The following ZBED3 variants were observed in gnomAD, a reference collection of about 807,000 sequenced individuals.
The protein encoded by ZBED3 is zinc finger BED-type containing 3, also known as zinc finger BED domain-containing protein 3.
For synonymous variants in ZBED3, 175 were observed against 180.0 expected, an observed-to-expected ratio of 0.97 and a Z score of 0.22; for missense variants, 388 against 362.9, an observed-to-expected ratio of 1.07 and a Z score of -0.56.
Position 77,073,932 on chromosome 5 carries a change from C to T in ZBED3, c.*3242G>A, listed in dbSNP as rs1742928477. ...CTGGCCTGTCCTGAGGGTTGTGAGG[C>T]ACAAAATGCTAGGAGACTAGAGAAG... On this transcript the variant is annotated 3_prime_UTR_variant, in exon 3 of 3. Transcript: ENST00000255198. 6.6e-6 allele frequency: 1 copy of T among 152,142 alleles called. No individual in the cohort carries two copies. Among genetic ancestry groups the T allele is most frequent in the South Asian group, 2.1e-4 (1 of 4,826 alleles). The allele number at this position is 152,142 out of a possible 1,614,324, so 9.4% of individuals were successfully genotyped here. A position where few individuals can be genotyped will look rare whatever the true frequency, so the allele number is the denominator to read the frequency against.
At position 77,075,969 on chromosome 5, in the gene ZBED3, A is replaced by ATG. The variant is rs1554048027; in HGVS notation, c.*1204_*1205insCA. On this transcript the variant is annotated 3_prime_UTR_variant, in exon 3 of 3. Coordinates refer to ENST00000255198, the MANE Select transcript of ZBED3 (RefSeq NM_032367.4). ...CATATATATATATATATATATATGT[A>ATG]TATGTATATATGTATATATATATGT... The ATG allele has an allele frequency of 4.1e-3, 83 of 20,144 alleles. 21 individuals are homozygous for ATG. The highest frequency in any genetic ancestry group is 0.027 in the East Asian group (34 of 1,278). The allele number at this position is 20,144 out of a possible 1,614,324, so 1.2% of individuals were successfully genotyped here.
At chr5:77,081,048 A>G (rs1743118743) in intron 1 of ZBED3, among the ~76,000 whole-genome samples, 1 of 152,230 alleles carries the variant, frequency 6.6e-6, no homozygotes, top group Admixed American at 6.5e-5. Flanking sequence ...CAAACACAAT[A>G]AAAAGACAAA....
At chr5:77,083,237 TG>T (rs1743167636) in intron 1 of ZBED3, among the ~76,000 whole-genome samples, 2 of 152,330 alleles carry the variant, frequency 1.3e-5, no homozygotes, top group South Asian at 4.1e-4. Context: ...TGGAGGCTGG[TG>T]GGACAGTCCC....
rs1285848417 is a variant in ZBED3, at chr5:77,077,205, TCCCTGTCA to T, written c.666_673del (p.Asp223ArgfsTer122). 1 of 1,502,570 alleles carries T rather than the reference TCCCTGTCA, an allele frequency of 6.7e-7. No individual in the cohort carries two copies. Among genetic ancestry groups the T allele is most frequent in the Non-Finnish European group, 8.8e-7 (1 of 1,131,928 alleles). The allele number at this position is 1,502,570 out of a possible 1,614,324, so 93.1% of individuals were successfully genotyped here. A position where few individuals can be genotyped will look rare whatever the true frequency, so the allele number is the denominator to read the frequency against. On this transcript the variant is annotated frameshift_variant, in exon 3 of 3. Transcript: ENST00000255198. LOFTEE classifies it high-confidence loss of function. ...GAGGACCTTTGTGATGACGCAGCCG[TCCCTGTCA>T]CCCTCGGGGTCGTCCTTGAGCGGCG...
At chr5:77,080,581 G>A in intron 1 of ZBED3, 1 of 519,224 alleles carries the variant, frequency 1.9e-6, no homozygotes, top group South Asian at 1.4e-5. Context: ...ACATCATGCG[G>A]CTATATTCTA....
chr5:77,073,599 C>A lies in ZBED3; in HGVS notation c.*3575G>T, dbSNP rs545696554. On this transcript the variant is annotated 3_prime_UTR_variant, in exon 3 of 3. Coordinates refer to ENST00000255198, the MANE Select transcript of ZBED3 (RefSeq NM_032367.4). ...ATAATAAAAAAGTAGATTTACATAC[C>A]AGAATGGTTGATTGGCTTCAAACCA... The A allele has an allele frequency of 9.2e-5, 14 of 152,152 alleles. No homozygotes were observed. Among genetic ancestry groups the A allele is most frequent in the African/African-American group, 3.4e-4 (14 of 41,504 alleles). The allele number at this position is 152,152 out of a possible 1,614,324, so 9.4% of individuals were successfully genotyped here.
In ZBED3 at chr5:77,074,869, T is replaced by C. The variant is rs899001635; in HGVS notation, c.*2305A>G. The C allele has an allele frequency of 6.6e-6, 1 of 152,224 alleles. No homozygotes were observed. Among genetic ancestry groups the C allele is most frequent in the African/African-American group, 2.4e-5 (1 of 41,456 alleles). 9.4% of individuals were successfully genotyped at this position (152,224 alleles called of 1,614,324 possible). On this transcript the variant is annotated 3_prime_UTR_variant, in exon 3 of 3. Transcript: ENST00000255198. Reference sequence around the variant, plus strand: ...TACTTAACCCCTTTCTAGCTCAGTTTCTTTAGCTGTAAAGCCAGCGCAATG... The same window carrying C: ...TACTTAACCCCTTTCTAGCTCAGTTCCTTTAGCTGTAAAGCCAGCGCAATG...
At chr5:77,078,051 C>A (rs774264397) in intron 2 of ZBED3, among the ~76,000 whole-genome samples, 156 bp from the exon 3 acceptor site, 17 of 152,192 alleles carry the variant, frequency 1.1e-4, no homozygotes, top group Non-Finnish European at 1.6e-4. Context: ...AATTAATCTT[C>A]AGTATTAAGT....
At chr5:77,084,618 A>G (rs915350361) in intron 1 of ZBED3, among the ~76,000 whole-genome samples, 6 of 152,206 alleles carry the variant, frequency 3.9e-5, no homozygotes, top group Non-Finnish European at 7.4e-5. Context: ...AGGTGAAATC[A>G]GTGCTCACTC....
Position 77,077,013 on chromosome 5 carries a change from C to CTGAAT in ZBED3, c.*160_*161insATTCA, listed in dbSNP as rs1743018046. The CTGAAT allele has an allele frequency of 2.0e-6, 1 of 497,206 alleles. No individual in the cohort carries two copies. The highest frequency in any genetic ancestry group is 2.0e-5 in the African/African-American group (1 of 50,002). The allele number at this position is 497,206 out of a possible 1,614,324, so 30.8% of individuals were successfully genotyped here. ...CTCTGGCTTCGAAGTGCTTCTCAAG[C>CTGAAT]TGAAGCCTTAGGGTGTGGAAGATCC... On this transcript the variant is annotated 3_prime_UTR_variant, in exon 3 of 3. Transcript: ENST00000255198.
chr5:77,080,892 C>T (rs1200196271), intron 1 of ZBED3, among the ~76,000 whole-genome samples: 2 of 152,190 alleles, frequency 1.3e-5, no homozygotes, highest in Non-Finnish European at 2.9e-5. Flanking sequence ...ATGTAACAAA[C>T]CTGCACGTTG....
At chr5:77,083,041 G>A (rs1486409786) in intron 1 of ZBED3, among the ~76,000 whole-genome samples, 6 of 152,200 alleles carry the variant, frequency 3.9e-5, no homozygotes, top group East Asian at 3.8e-4. Context: ...GGAGGCTGAG[G>A]CAGGAGAATC....
Position 77,075,950 on chromosome 5 carries a change from T to TATACATAC in ZBED3, c.*1223_*1224insGTATGTAT, listed in dbSNP as rs1554048012. On this transcript the variant is annotated 3_prime_UTR_variant, in exon 3 of 3. Coordinates refer to ENST00000255198, the MANE Select transcript of ZBED3 (RefSeq NM_032367.4). ...ACTTAAAGTATTATATATACATATA[T>TATACATAC]ATATATATATATATATGTATATGTA... 6.5e-5 allele frequency: 2 copies of TATACATAC among 30,740 alleles called. 1 individual carries two copies. Among genetic ancestry groups the TATACATAC allele is most frequent in the African/African-American group, 2.3e-4 (2 of 8,876 alleles). 1.9% of individuals were successfully genotyped at this position (30,740 alleles called of 1,614,324 possible).
At chr5:77,086,060 T>A (rs2150743563) in intron 1 of ZBED3, among the ~76,000 whole-genome samples, 1 of 152,354 alleles carries the variant, frequency 6.6e-6, no homozygotes, top group Middle Eastern at 3.4e-3. Context: ...TAATGCACTT[T>A]TAAAAATGAA....
At position 77,073,577 on chromosome 5, in the gene ZBED3, A is replaced by G. The variant is rs1403374020; in HGVS notation, c.*3597T>C. On this transcript the variant is annotated 3_prime_UTR_variant, in exon 3 of 3. Transcript: ENST00000255198. ...CAATACATTTTGTGTTACTTGTATA[A>G]TAAAAAAGTAGATTTACATACCAGA... The G allele has an allele frequency of 6.6e-6, 1 of 152,190 alleles. No individual in the cohort carries two copies. Among genetic ancestry groups the G allele is most frequent in the African/African-American group, 2.4e-5 (1 of 41,438 alleles). 9.4% of individuals were successfully genotyped at this position (152,190 alleles called of 1,614,324 possible). A position where few individuals can be genotyped will look rare whatever the true frequency, so the allele number is the denominator to read the frequency against.
chr5:77,076,118 G>A lies in ZBED3; in HGVS notation c.*1056C>T, dbSNP rs1742999313. 1 of 149,194 alleles carries A rather than the reference G, an allele frequency of 6.7e-6. No homozygotes were observed. Among genetic ancestry groups the A allele is most frequent in the African/African-American group, 2.5e-5 (1 of 40,378 alleles). 9.2% of individuals were successfully genotyped at this position (149,194 alleles called of 1,614,324 possible). On this transcript the variant is annotated 3_prime_UTR_variant, in exon 3 of 3. Coordinates refer to ENST00000255198, the MANE Select transcript of ZBED3 (RefSeq NM_032367.4). ...GACCCAGAGTGAGGGAGTAAAAACT[G>A]GGGAGGAAGGATAGGCAGCCAGGAC...
chr5:77,077,863 G>C lies in ZBED3; in HGVS notation c.16C>G (p.Pro6Ala). The C allele has an allele frequency of 3.2e-6, 4 of 1,261,872 alleles. No homozygotes were observed. The highest frequency in any genetic ancestry group is 4.0e-6 in the Non-Finnish European group (4 of 1,006,726). The allele number at this position is 1,261,872 out of a possible 1,614,324, so 78.2% of individuals were successfully genotyped here. A position where few individuals can be genotyped will look rare whatever the true frequency, so the allele number is the denominator to read the frequency against. Residue 6 changes from proline (P) to alanine (A), a missense_variant, in exon 3 of 3, where the codon CCG becomes GCG. Physicochemically the swap from Pro to Ala is conservative, Grantham distance 27. Transcript: ENST00000255198. MRSGE[P>A]ACTMDQARGL... The stretch of plus-strand genomic sequence containing the variant: ...CGGGCCTGGTCCATGGTGCAGGCCG[G>C]CTCGCCACTCCTCATTCTGCGGCGC...
Position 77,077,247 on chromosome 5 carries a change from G to C in ZBED3, c.632C>G (p.Ala211Gly). The C allele has an allele frequency of 6.8e-7, 1 of 1,473,490 alleles. No homozygotes were observed. The highest frequency in any genetic ancestry group is 9.0e-7 in the Non-Finnish European group (1 of 1,116,210). The allele number at this position is 1,473,490 out of a possible 1,614,324, so 91.3% of individuals were successfully genotyped here. The change falls in exon 3 of 3, where the codon GCT becomes GGT. Residue 211 changes from alanine (A) to glycine (G), a missense_variant. By Grantham distance (60) the Ala-to-Gly change is moderately conservative. Transcript: ENST00000255198. Reference protein sequence around the residue: ...RREGALGWAPAAPPPLKDDPE... With the variant: ...RREGALGWAPGAPPPLKDDPE... ...GTCGTCCTTGAGCGGCGGCGGCGCA[G>C]CGGGGGCCCAGCCCAGGGCGCCCTC...
chr5:77,081,216 A>T (rs1427634623), intron 1 of ZBED3, among the ~76,000 whole-genome samples: 1 of 152,174 alleles, frequency 6.6e-6, no homozygotes, highest in East Asian at 1.9e-4. Context: ...TCACACCAAG[A>T]AACATTAAGA....
Sources: allele counts gnomAD v4.1 joint callset (sites outside exome capture counted in the v4.1 genomes callset), GRCh38; gene constraint gnomAD v4.1.1; transcripts MANE v1.5; gene names NCBI Gene and HGNC (gene_info 2026-07-23, HGNC 2026-07-21).